The following GPHN variants were observed in gnomAD, a reference collection of about 807,000 sequenced individuals.
GPHN encodes the protein gephyrin.
Under a neutral mutation model 95.5 loss-of-function variants are expected in GPHN, and 17 were observed. That is an observed-to-expected ratio of 0.18 (90% CI 0.12 to 0.27). GPHN has a LOEUF of 0.27. Ranked by LOEUF, GPHN falls within the 10% of genes least tolerant of loss-of-function variation. The probability of loss-of-function intolerance (pLI) is 1.00; values close to 1 mark genes in which losing one functional copy is unlikely to be tolerated. For synonymous variants in GPHN, 320 were observed against 322.5 expected, an observed-to-expected ratio of 0.99 and a Z score of 0.08; for missense variants, 660 against 978.1, an observed-to-expected ratio of 0.67 and a Z score of 4.34.
At chr14:67,030,037 A>T (rs2074120427) in intron 10 of GPHN, among the ~76,000 whole-genome samples, 1 of 145,838 alleles carries the variant, frequency 6.9e-6, no homozygotes, top group African/African-American at 2.6e-5. Context: ...TATTATTCAG[A>T]CTTCTCTCAT....
At chr14:67,350,524 T>G in the GPHN span, 3 of 1,211,252 alleles carry the variant, frequency 2.5e-6, no homozygotes, top group Non-Finnish European at 3.6e-6. Flanking sequence ...TAACGCTTAT[T>G]TCTAAATTAA....
intron 3 of GPHN, among the ~76,000 whole-genome samples, chr14:66,796,769 G>A (rs1292343581): frequency 6.6e-6 from 1 of 151,776 alleles, no homozygotes; most frequent in Non-Finnish European, 1.5e-5. Context: ...CCATTCTGTG[G>A]GTTGTCTCTT....
chr14:67,284,080 A>G, the GPHN span, among the ~76,000 whole-genome samples: 1 of 152,318 alleles, frequency 6.6e-6, no homozygotes, highest in East Asian at 1.9e-4. Flanking sequence ...GACCAAATGA[A>G]AAAAGCATTT....
chr14:66,828,826 T>TC (rs2061476939), intron 4 of GPHN, among the ~76,000 whole-genome samples: 2 of 149,972 alleles, frequency 1.3e-5, no homozygotes, highest in Admixed American at 1.3e-4. Context: ...GTAAAGTTTA[T>TC]CTTCTTTATT....
At chr14:66,784,530 A>G (rs2059707327) in intron 3 of GPHN, among the ~76,000 whole-genome samples, 1 of 152,228 alleles carries the variant, frequency 6.6e-6, no homozygotes, top group African/African-American at 2.4e-5. Flanking sequence ...AATCACAGTT[A>G]TACTGTATAA....
At chr14:66,805,318 ACATGG>A (rs1379172242) in intron 3 of GPHN, among the ~76,000 whole-genome samples, 5 of 152,164 alleles carry the variant, frequency 3.3e-5, no homozygotes, top group African/African-American at 1.2e-4. Context: ...CCCTCCCACA[ACATGG>A]GGGAATTCAA....
At chr14:67,344,946 C>G in the GPHN span, among the ~76,000 whole-genome samples, 5 of 149,432 alleles carry the variant, frequency 3.3e-5, no homozygotes, top group Non-Finnish European at 5.9e-5. Context: ...ATTTTGTTAA[C>G]AAGAAGAAGC....
At chr14:66,940,611 A>G (rs2067373318) in intron 8 of GPHN, among the ~76,000 whole-genome samples, 1 of 152,218 alleles carries the variant, frequency 6.6e-6, no homozygotes, top group Non-Finnish European at 1.5e-5. Flanking sequence ...TGCGATGGAT[A>G]CTAGCATAAC....
At chr14:67,269,337 T>TTG in the GPHN span, among the ~76,000 whole-genome samples, 8,504 of 151,780 alleles carry the variant, frequency 0.056, 247 homozygotes, top group Middle Eastern at 0.068. Context: ...GTACAAGTTT[T>TTG]TGTGTGTGTG....
intron 1 of GPHN, among the ~76,000 whole-genome samples, chr14:66,596,962 G>T (rs750676858): frequency 6.6e-6 from 1 of 152,172 alleles, no homozygotes; most frequent in Non-Finnish European, 1.5e-5. Flanking sequence ...ACAGGCTGCC[G>T]CTGCCTTCAG....
At chr14:67,056,720 C>T (rs552101339) in intron 10 of GPHN, among the ~76,000 whole-genome samples, 44 of 151,976 alleles carry the variant, frequency 2.9e-4, no homozygotes, top group Middle Eastern at 6.8e-3. Context: ...ACCCACACCA[C>T]GTGCCCACAC....
the GPHN span, among the ~76,000 whole-genome samples, chr14:67,707,780 G>A: frequency 6.6e-6 from 1 of 152,194 alleles, no homozygotes; most frequent in Non-Finnish European, 1.5e-5. Context: ...TATGAATTGA[G>A]TTAACCTCTC....
intron 1 of GPHN, among the ~76,000 whole-genome samples, chr14:66,675,101 A>T: frequency 1.4e-5 from 2 of 144,214 alleles, no homozygotes; most frequent in East Asian, 2.0e-4. Context: ...TTTGTTGGCT[A>T]TTTGTTTGTC....
intron 2 of GPHN, among the ~76,000 whole-genome samples, chr14:66,713,255 G>T (rs1452715812): frequency 6.6e-6 from 1 of 152,110 alleles, no homozygotes; most frequent in African/African-American, 2.4e-5. Context: ...TTATCGTCTA[G>T]AATTTTTATA....
chr14:66,701,034 TTGCCC>T (rs1213516243), intron 2 of GPHN, among the ~76,000 whole-genome samples: 1 of 152,248 alleles, frequency 6.6e-6, no homozygotes, highest in African/African-American at 2.4e-5. Context: ...AACCTTATGC[TTGCCC>T]TGCCCTGCCA....
the GPHN span, chr14:67,568,903 T>C: frequency 1.8e-5 from 9 of 500,862 alleles, no homozygotes; most frequent in Non-Finnish European, 2.1e-5. Flanking sequence ...TAAATGCTTA[T>C]GTTAAGTATT....
intron 9 of GPHN, among the ~76,000 whole-genome samples, chr14:66,990,264 G>C (rs1273850729): frequency 1.3e-5 from 2 of 152,110 alleles, no homozygotes; most frequent in Non-Finnish European, 2.9e-5. Flanking sequence ...TTCCTCCCTT[G>C]ACATGTGGAG....
the GPHN span, among the ~76,000 whole-genome samples, chr14:67,309,335 G>C: frequency 6.6e-6 from 1 of 152,118 alleles, no homozygotes; most frequent in East Asian, 1.9e-4. Context: ...TATCTGTTAA[G>C]GCAATACCCA....
the GPHN span, chr14:67,473,444 G>A: frequency 6.2e-7 from 1 of 1,614,080 alleles, no homozygotes; most frequent in South Asian, 1.1e-5. This position sits in a 1 kb window ranked among gnomAD's most constrained non-coding sequence, Gnocchi z 6.5. Flanking sequence ...CATGGCCGTT[G>A]GCCAGGGCTA....
Sources: gnomAD v4.1 joint callset for allele counts (sites outside exome capture counted in the v4.1 genomes callset) on GRCh38, gnomAD v4.1.1 for gene constraint, Gnocchi (gnomAD v3.1) non-coding constraint, MANE v1.5 for transcripts, NCBI Gene and HGNC (gene_info 2026-07-23, HGNC 2026-07-21) for gene names.